The following ITGAX variants were observed in gnomAD, a reference collection of about 807,000 sequenced individuals.
ITGAX encodes integrin alpha-X.
ITGAX carries 99 observed loss-of-function variants against 140.2 expected under a neutral mutation model. That is an observed-to-expected ratio of 0.71 (90% CI 0.60 to 0.83). The LOEUF is 0.83. ITGAX is among the 40% of genes least tolerant of loss of function. The pLI is 0.00. For synonymous variants in ITGAX, 631 were observed against 600.4 expected, an observed-to-expected ratio of 1.05 and a Z score of -0.75; for missense variants, 1,444 against 1,482.0, an observed-to-expected ratio of 0.97 and a Z score of 0.42.
chr16:31,371,605 A>G (rs766211459), intron 16 of ITGAX, 25 bp from the exon 17 acceptor site: 14 of 1,613,358 alleles, frequency 8.7e-6, no homozygotes, highest in Non-Finnish European at 1.2e-5. Flanking sequence ...TCCTGTCTCA[A>G]CGCCGTCCCT....
At chr16:31,366,551 T>G (rs1432879974) in intron 14 of ITGAX, among the ~76,000 whole-genome samples, 2 of 152,266 alleles carry the variant, frequency 1.3e-5, no homozygotes, top group Non-Finnish European at 2.9e-5. Context: ...GATCTCACTC[T>G]GTCACCCAGC....
chr16:31,359,594 C>T (rs2080798888), intron 5 of ITGAX, 106 bp from the exon 6 acceptor site: 2 of 1,364,888 alleles, frequency 1.5e-6, no homozygotes, highest in Non-Finnish European at 2.0e-6. Flanking sequence ...AGACTAGGGG[C>T]TTAGGGGAGG....
At chr16:31,365,609 G>T (rs976468139) in intron 14 of ITGAX, among the ~76,000 whole-genome samples, 2 of 152,200 alleles carry the variant, frequency 1.3e-5, no homozygotes, top group South Asian at 4.1e-4. Context: ...GTTATAATCT[G>T]TTTTAATTAT....
chr16:31,369,962 A>G (rs2080938287), intron 14 of ITGAX: 1 of 150,796 alleles, frequency 6.6e-6, no homozygotes, highest in South Asian at 2.1e-4. Context: ...CATTATTATT[A>G]CCTTTTTTTT....
chr16:31,356,903 G>A, intron 3 of ITGAX, 128 bp from the exon 4 acceptor site: 1 of 921,156 alleles, frequency 1.1e-6, no homozygotes, highest in Non-Finnish European at 1.6e-6. Flanking sequence ...CCGCAGCTCT[G>A]TCAAGACCCG....
Position 31,372,467 on chromosome 16 carries a change from G to A in ITGAX, c.2250G>A (p.Arg750=), listed in dbSNP as rs1255765648. ...GKPLLAFRNL[R]PMLAADAQRY... ...CCCTCCTTGCCTTCAGAAACCTGCG[G>A]CCTATGCTGGCCGCCGATGCTCAGA... is the stretch of plus-strand genomic sequence containing the variant. The change falls in exon 18 of 30, where the codon CGG becomes CGA. Residue 750 remains arginine (R), a synonymous_variant. Coordinates refer to ENST00000268296, the MANE Select transcript of ITGAX (RefSeq NM_000887.5). 3.1e-6 allele frequency: 5 copies of A among 1,607,612 alleles called. No individual in the cohort carries two copies. Among genetic ancestry groups the A allele is most frequent in the Admixed American group, 3.5e-5 (2 of 56,986 alleles).
In ITGAX at chr16:31,357,358, A is replaced by C. The variant is rs1231635734; in HGVS notation, c.424A>C (p.Arg142=). The part of the protein sequence containing the change: ...TQLTQRLPVS[R]QECPRQEQDI... ...GCTCACCCAGAGGCTCCCGGTGTCC[A>C]GGCAGGGTGAGTGTCGGGACCACCA... The change falls in exon 5 of 30, where the codon AGG becomes CGG. Residue 142 remains arginine (R), a synonymous_variant. Coordinates refer to ENST00000268296, the MANE Select transcript of ITGAX (RefSeq NM_000887.5). 3.8e-6 allele frequency: 6 copies of C among 1,596,414 alleles called. No individual in the cohort carries two copies. Among genetic ancestry groups the C allele is most frequent in the Admixed American group, 3.4e-5 (2 of 58,370 alleles).
At chr16:31,362,902 G>T in intron 12 of ITGAX, 33 bp from the exon 13 acceptor site, 1 of 1,610,550 alleles carries the variant, frequency 6.2e-7, no homozygotes, top group South Asian at 1.1e-5. Flanking sequence ...CTCTGGCAGG[G>T]ACAGGCAGCA....
At position 31,362,216 on chromosome 16, in the gene ITGAX, C is replaced by T. The variant is rs753207706; in HGVS notation, c.1216+12C>T. On this transcript the variant is annotated intron_variant, in intron 11 of 29. Transcript: ENST00000268296. ...GGACTCTTACCTGGGTGAGAAACAG[C>T]CAGGGGTTGGGGACAGGTGGGAGAT... 33 of 1,613,448 alleles carry T rather than the reference C, an allele frequency of 2.0e-5. No individual in the cohort carries two copies. The highest frequency in any genetic ancestry group is 2.6e-5 in the Non-Finnish European group (31 of 1,179,830).
At chr16:31,376,710 C>A in intron 20 of ITGAX, 89 bp from the exon 21 acceptor site, 1 of 1,170,320 alleles carries the variant, frequency 8.5e-7, no homozygotes, top group Non-Finnish European at 1.3e-6. Context: ...CTTTGGAATG[C>A]TGTTATATTA....
At chr16:31,360,981 G>C (rs945903224) in intron 8 of ITGAX, 82 bp from the exon 9 acceptor site, 4 of 1,317,186 alleles carry the variant, frequency 3.0e-6, no homozygotes, top group Non-Finnish European at 4.3e-6. Context: ...GATCTTGTGG[G>C]GTTATTGGAA....
Position 31,362,983 on chromosome 16 carries a change from G to T in ITGAX, c.1408G>T (p.Asp470Tyr), listed in dbSNP as rs1461850453. ...ASLCSVDVDS[D>Y]GSTDLVLIGA... The stretch of plus-strand genomic sequence containing the variant: ...CCTCTGCTCCGTGGACGTAGACAGC[G>T]ACGGCAGCACCGACCTGGTCCTCAT... The change falls in exon 13 of 30, where the codon GAC becomes TAC. Residue 470 changes from aspartate to tyrosine, a missense_variant. Transcript: ENST00000268296. 6.2e-7 allele frequency: 1 copy of T among 1,611,894 alleles called. No individual in the cohort carries two copies. Among genetic ancestry groups the T allele is most frequent in the Non-Finnish European group, 8.5e-7 (1 of 1,179,822 alleles).
At chr16:31,362,015 C>G (rs529301620) in intron 10 of ITGAX, 60 bp from the exon 11 acceptor site, 12 of 1,613,576 alleles carry the variant, frequency 7.4e-6, no homozygotes, top group Non-Finnish European at 1.0e-5. Context: ...AGGCATATCT[C>G]TGGTACATGC....
Position 31,371,793 on chromosome 16 carries a change from G to T in ITGAX, c.2160+9G>T. ...TCAACCTGCTGCTCCCGGTGCGTCT[G>T]GGCATGAACGTGGGTGGCGGCCGCG... On this transcript the variant is annotated intron_variant, in intron 17 of 29. Coordinates refer to ENST00000268296, the MANE Select transcript of ITGAX (RefSeq NM_000887.5). 2 of 1,613,256 alleles carry T rather than the reference G, an allele frequency of 1.2e-6. No homozygotes were observed. Among genetic ancestry groups the T allele is most frequent in the Non-Finnish European group, 1.7e-6 (2 of 1,179,680 alleles).
At chr16:31,379,894 C>T (rs375985718) in intron 25 of ITGAX, 30 bp downstream of exon 25, 86 of 1,609,732 alleles carry the variant, frequency 5.3e-5, no homozygotes, top group Non-Finnish European at 6.2e-5. Flanking sequence ...GGCTCCTCCA[C>T]GAATGCCCTT....
At chr16:31,356,025 G>A (rs1333619948) in intron 2 of ITGAX, 27 bp downstream of exon 2, 7 of 1,536,264 alleles carry the variant, frequency 4.6e-6, no homozygotes, top group Non-Finnish European at 5.4e-6. Flanking sequence ...GCTGGCCTTT[G>A]GCTCCATCCA....
At chr16:31,365,783 C>G (rs541219694) in intron 14 of ITGAX, among the ~76,000 whole-genome samples, 1 of 152,276 alleles carries the variant, frequency 6.6e-6, no homozygotes, top group African/African-American at 2.4e-5. Context: ...ATTAGTTGTG[C>G]GTAATGGCGC....
At chr16:31,377,762 T>C (rs2081033907) in intron 23 of ITGAX, among the ~76,000 whole-genome samples, 1 of 152,122 alleles carries the variant, frequency 6.6e-6, no homozygotes, top group Non-Finnish European at 1.5e-5. Context: ...ATGGCAGGTG[T>C]GATCCACAGC....
intron 14 of ITGAX, among the ~76,000 whole-genome samples, chr16:31,369,634 C>T (rs1046191125): frequency 2.0e-5 from 3 of 152,132 alleles, no homozygotes; most frequent in African/African-American, 7.2e-5. Flanking sequence ...AAGGCTTAAA[C>T]GATTGTTAGC....
Sources: allele counts gnomAD v4.1 joint callset (sites outside exome capture counted in the v4.1 genomes callset), GRCh38; gene constraint gnomAD v4.1.1; transcripts MANE v1.5; gene names NCBI Gene and HGNC (gene_info 2026-07-23, HGNC 2026-07-21).